Variants in KLF12 observed in about 807,000 individuals in gnomAD.
KLF12 encodes Krueppel-like factor 12.
KLF12 carries 9 observed loss-of-function variants against 37.8 expected under a neutral mutation model. The ratio of observed to expected loss-of-function variants is 0.24; its 90% CI spans 0.14 to 0.42. KLF12 has a LOEUF of 0.42. Ranked by LOEUF, KLF12 falls within the 10% of genes least tolerant of loss-of-function variation. The pLI is 1.00. For missense variants in KLF12, 411 were observed against 516.0 expected (o/e 0.80, Z 1.97); for synonymous variants, 208 against 202.1 (o/e 1.03, Z -0.25).
At chr13:73,796,507 C>CTGTGTGTGTGTGTGTGTGTGTG (rs5804694) in intron 5 of KLF12, among the ~76,000 whole-genome samples, 34 of 140,364 alleles carry the variant, frequency 2.4e-4, no homozygotes, top group African/African-American at 5.8e-4. Flanking sequence ...TGCCCCTGTG[C>CTGTGTGTGTGTGTGTGTGTGTG]TGTGTGTGTG....
chr13:73,700,190 C>T (rs951158079), intron 7 of KLF12, among the ~76,000 whole-genome samples: 1 of 151,680 alleles, frequency 6.6e-6, no homozygotes, highest in African/African-American at 2.4e-5. Context: ...TCACTTGAAC[C>T]CAGGAGGTGG....
chr13:74,152,231 G>A, the KLF12 span, among the ~76,000 whole-genome samples: 7 of 152,148 alleles, frequency 4.6e-5, no homozygotes, highest in African/African-American at 1.7e-4. Context: ...AATACAGGCT[G>A]GTTGGCAGCA....
chr13:73,897,335 G>A (rs761703703), intron 3 of KLF12, among the ~76,000 whole-genome samples: 4 of 152,068 alleles, frequency 2.6e-5, no homozygotes, highest in Admixed American at 6.5e-5. Flanking sequence ...CTTCCCAAGC[G>A]CAACATGCAT....
chr13:73,880,989 C>T (rs531446561), intron 3 of KLF12, among the ~76,000 whole-genome samples: 6 of 152,246 alleles, frequency 3.9e-5, no homozygotes, highest in South Asian at 2.1e-4. Flanking sequence ...AAAGTGTTAA[C>T]GTCTAAACAA....
chr13:73,903,887 G>C (rs1430338136), intron 3 of KLF12, among the ~76,000 whole-genome samples: 1 of 152,116 alleles, frequency 6.6e-6, no homozygotes, highest in Non-Finnish European at 1.5e-5. Flanking sequence ...TGGTCCTTCC[G>C]ATGATGTGAG....
chr13:74,299,074 G>A, the KLF12 span, among the ~76,000 whole-genome samples: 1 of 152,198 alleles, frequency 6.6e-6, no homozygotes, highest in South Asian at 2.1e-4. Flanking sequence ...GCCCACATAG[G>A]CCCATCTGCA....
chr13:74,255,951 C>A, the KLF12 span, among the ~76,000 whole-genome samples: 2 of 152,014 alleles, frequency 1.3e-5, no homozygotes, highest in South Asian at 2.1e-4. Flanking sequence ...GTCAGGAGAT[C>A]GAGACCATCC....
chr13:73,964,159 A>T (rs183779157), intron 2 of KLF12, among the ~76,000 whole-genome samples: 1 of 152,364 alleles, frequency 6.6e-6, no homozygotes, highest in East Asian at 1.9e-4. Context: ...GGGCAATGGA[A>T]AAGTAATATG....
At chr13:73,986,744 G>T (rs1054486245) in intron 2 of KLF12, among the ~76,000 whole-genome samples, 1 of 152,152 alleles carries the variant, frequency 6.6e-6, no homozygotes, top group Non-Finnish European at 1.5e-5. Context: ...CAGAGAGATG[G>T]CAGTACCAGA....
At chr13:74,185,911 G>A in the KLF12 span, among the ~76,000 whole-genome samples, 16 of 152,048 alleles carry the variant, frequency 1.1e-4, no homozygotes, top group South Asian at 4.1e-4. Flanking sequence ...TGCAAAGTGC[G>A]GGGATTACAG....
chr13:74,093,551 T>C (rs1423688614), intron 1 of KLF12, among the ~76,000 whole-genome samples: 1 of 152,122 alleles, frequency 6.6e-6, no homozygotes, highest in Non-Finnish European at 1.5e-5. Flanking sequence ...AAACTATAAA[T>C]AACCATAAGA....
chr13:74,136,462 G>A (rs114905326), upstream of KLF12, among the ~76,000 whole-genome samples: 939 of 152,302 alleles, frequency 6.2e-3, 8 homozygotes, highest in African/African-American at 0.021. Flanking sequence ...TTCCCTCTAG[G>A]TGGGGCAGGG....
chr13:73,917,772 T>C (rs1888914347), intron 3 of KLF12, among the ~76,000 whole-genome samples: 1 of 152,222 alleles, frequency 6.6e-6, no homozygotes. Context: ...ACTCTTTGTA[T>C]TGGAGATTAC....
chr13:74,204,646 T>C, the KLF12 span, among the ~76,000 whole-genome samples: 1 of 152,152 alleles, frequency 6.6e-6, no homozygotes, highest in African/African-American at 2.4e-5. Context: ...ATGGCTTGCC[T>C]TCTTCTCTAA....
chr13:74,142,602 C>T, the KLF12 span, among the ~76,000 whole-genome samples: 1 of 152,156 alleles, frequency 6.6e-6, no homozygotes, highest in Non-Finnish European at 1.5e-5. Context: ...CTGACCACTT[C>T]TCAGTTATCA....
chr13:73,762,742 G>A (rs1879650857), intron 6 of KLF12, among the ~76,000 whole-genome samples: 1 of 152,116 alleles, frequency 6.6e-6, no homozygotes, highest in Non-Finnish European at 1.5e-5. Context: ...TTGCCAGCGT[G>A]AGTCTTTAAA....
At chr13:73,948,518 T>G (rs927961385) in intron 2 of KLF12, among the ~76,000 whole-genome samples, 2 of 152,176 alleles carry the variant, frequency 1.3e-5, no homozygotes, top group African/African-American at 4.8e-5. Context: ...CAGGATGGCA[T>G]AGCAGATTCT....
At position 73,941,660 on chromosome 13, in the gene KLF12, T is replaced by C. The variant is rs150265049; in HGVS notation, c.123+2321A>G. Among the ~76,000 whole-genome samples, 257 of 152,218 alleles carry C rather than the reference T, an allele frequency of 1.7e-3. 2 individuals are homozygous for C. The highest frequency in any genetic ancestry group is 5.7e-3 in the African/African-American group (237 of 41,506). ...GGCCAAAAATGAAAGTCACCAAAATTCTAGACTTTGTTTCAAACAAGAGTT... is the reference window on the plus strand; with the variant it reads ...GGCCAAAAATGAAAGTCACCAAAATCCTAGACTTTGTTTCAAACAAGAGTT... On this transcript the variant is annotated intron_variant, in intron 3 of 7. Transcript: ENST00000377669.
chr13:74,152,714 C>T, the KLF12 span, among the ~76,000 whole-genome samples: 9 of 151,688 alleles, frequency 5.9e-5, no homozygotes, highest in Admixed American at 2.6e-4. Context: ...GAAACCCTGT[C>T]TCTAAAAAAA....
Sources: allele counts gnomAD v4.1 joint callset (sites outside exome capture counted in the v4.1 genomes callset), GRCh38; gene constraint gnomAD v4.1.1; transcripts MANE v1.5; gene names NCBI Gene and HGNC (gene_info 2026-07-23, HGNC 2026-07-21).